The following LEPROT variants were observed in gnomAD, a reference collection of about 807,000 sequenced individuals.
The protein encoded by LEPROT is leptin receptor overlapping transcript, also known as leptin receptor gene-related protein.
Under a neutral mutation model 15.4 loss-of-function variants are expected in LEPROT, and 3 were observed. The ratio of observed to expected loss-of-function variants is 0.19; its 90% CI spans 0.09 to 0.50. The LOEUF is 0.50. Among genes scored for constraint, LEPROT ranks in the 20% least tolerant of loss-of-function variants. The pLI is 0.97. For synonymous variants in LEPROT, 59 were observed against 57.5 expected, an observed-to-expected ratio of 1.03 and a Z score of -0.12; for missense variants, 137 against 162.2, an observed-to-expected ratio of 0.84 and a Z score of 0.84.
Position 65,433,408 on chromosome 1 carries a change from A to G in LEPROT, c.*1489A>G. The G allele has an allele frequency of 1.0e-6, 1 of 985,388 alleles. No homozygotes were observed. 61.0% of individuals were successfully genotyped at this position (985,388 alleles called of 1,614,324 possible). On this transcript the variant is annotated 3_prime_UTR_variant, in exon 4 of 4. Transcript: ENST00000371065. ...CCTGTAATCACAGTTTTCCCTGCTC[A>G]CCTTTTTGTCTAAGATCTATTGAGA...
rs761079055 is a variant in LEPROT, at chr1:65,434,221, A to G, written c.*2302A>G. 9.0e-5 allele frequency: 88 copies of G among 979,138 alleles called. No homozygotes were observed. Among genetic ancestry groups the G allele is most frequent in the Non-Finnish European group, 1.0e-4 (83 of 824,310 alleles). The allele number at this position is 979,138 out of a possible 1,614,324, so 60.7% of individuals were successfully genotyped here. A position where few individuals can be genotyped will look rare whatever the true frequency, so the allele number is the denominator to read the frequency against. The stretch of plus-strand genomic sequence containing the variant: ...TGCAGTGCCTAAATATCATTTAAAC[A>G]GTAAATATTAATAGGAAATATTGCT... On this transcript the variant is annotated 3_prime_UTR_variant, in exon 4 of 4. Coordinates refer to ENST00000371065, the MANE Select transcript of LEPROT (RefSeq NM_017526.5).
Position 65,433,140 on chromosome 1 carries a change from G to T in LEPROT, c.*1221G>T, listed in dbSNP as rs1236731033. 3 of 985,254 alleles carry T rather than the reference G, an allele frequency of 3.0e-6. No individual in the cohort carries two copies. The highest frequency in any genetic ancestry group is 3.6e-6 in the Non-Finnish European group (3 of 829,968). The allele number at this position is 985,254 out of a possible 1,614,324, so 61.0% of individuals were successfully genotyped here. On this transcript the variant is annotated 3_prime_UTR_variant, in exon 4 of 4. Coordinates refer to ENST00000371065, the MANE Select transcript of LEPROT (RefSeq NM_017526.5). ...TCTTTTACATTTCCTTTATGATCTG[G>T]CACTTCTCCCCAGCTCCTTCCCTCT...
chr1:65,427,245 C>T (rs889617540), intron 2 of LEPROT, among the ~76,000 whole-genome samples: 5 of 152,092 alleles, frequency 3.3e-5, no homozygotes, highest in Admixed American at 2.6e-4. Context: ...AACCAAAGCC[C>T]AGGGTAGTTA....
chr1:65,431,710 C>A, intron 3 of LEPROT, 93 bp from the exon 4 acceptor site: 1 of 1,316,518 alleles, frequency 7.6e-7, no homozygotes, highest in Non-Finnish European at 1.0e-6. Flanking sequence ...TGTAACATTT[C>A]ATTGGATGTT....
rs546172024 is a variant in LEPROT at position 65,434,067 on chromosome 1, A to G, written c.*2148A>G. 2.0e-6 allele frequency: 2 copies of G among 985,368 alleles called. No individual in the cohort carries two copies. Among genetic ancestry groups the G allele is most frequent in the African/African-American group, 1.7e-5 (1 of 57,370 alleles). 61.0% of individuals were successfully genotyped at this position (985,368 alleles called of 1,614,324 possible). A position where few individuals can be genotyped will look rare whatever the true frequency, so the allele number is the denominator to read the frequency against. Reference sequence around the variant, plus strand: ...TATACACATTTTCAATAACCAAGGTAGCCTTCATATGTAGCCTTAAAGCAT... The same window carrying G: ...TATACACATTTTCAATAACCAAGGTGGCCTTCATATGTAGCCTTAAAGCAT... On this transcript the variant is annotated 3_prime_UTR_variant, in exon 4 of 4. Coordinates refer to ENST00000371065, the MANE Select transcript of LEPROT (RefSeq NM_017526.5).
chr1:65,426,805 T>G (rs574600754), intron 2 of LEPROT, among the ~76,000 whole-genome samples: 1 of 152,240 alleles, frequency 6.6e-6, no homozygotes, highest in Non-Finnish European at 1.5e-5. Context: ...GAGACCATCC[T>G]AGGCAACATG....
rs1214101551 is a variant in LEPROT at position 65,425,095 on chromosome 1, A to G, written c.17-208A>G. ...ATTGATAAATGATTCACATACCATA[A>G]AATTAACATTCTTAAAGTGTAAGAT... On this transcript the variant is annotated intron_variant, in intron 1 of 3. Transcript: ENST00000371065. Among the ~76,000 whole-genome samples, 5 of 152,250 alleles carry G rather than the reference A, an allele frequency of 3.3e-5. No homozygotes were observed. The East Asian group carries it at 9.6e-4, about 29-fold the overall frequency.
Position 65,434,504 on chromosome 1 carries a change from G to T in LEPROT, c.*2585G>T, listed in dbSNP as rs1288037106. The T allele has an allele frequency of 1.0e-6, 1 of 985,024 alleles. No individual in the cohort carries two copies. The highest frequency in any genetic ancestry group is 1.7e-5 in the African/African-American group (1 of 57,188). The allele number at this position is 985,024 out of a possible 1,614,324, so 61.0% of individuals were successfully genotyped here. A position where few individuals can be genotyped will look rare whatever the true frequency, so the allele number is the denominator to read the frequency against. On this transcript the variant is annotated 3_prime_UTR_variant, in exon 4 of 4. Transcript: ENST00000371065. ...CACTTTTCCACAGAAACAATACTAT[G>T]AATTGGTGATTGAGTTCCCAGGCCA...
intron 2 of LEPROT, among the ~76,000 whole-genome samples, chr1:65,428,292 A>G (rs980684351): frequency 6.6e-6 from 1 of 152,198 alleles, no homozygotes; most frequent in African/African-American, 2.4e-5. Context: ...ATAGAGTCAG[A>G]TTGTTTTTCA....
rs1165943271 is a variant in LEPROT, at chr1:65,435,224, C to G, written c.*3305C>G. ...CTTAAGAACTCATAGATTTTTCTTACTGTCCTAAGGAAGTCCTTACCTCTG... is the reference window on the plus strand; with the variant it reads ...CTTAAGAACTCATAGATTTTTCTTAGTGTCCTAAGGAAGTCCTTACCTCTG... On this transcript the variant is annotated 3_prime_UTR_variant, in exon 4 of 4. Transcript: ENST00000371065. 1 of 985,256 alleles carries G rather than the reference C, an allele frequency of 1.0e-6. No individual in the cohort carries two copies. The highest frequency in any genetic ancestry group is 1.7e-5 in the African/African-American group (1 of 57,236). The allele number at this position is 985,256 out of a possible 1,614,324, so 61.0% of individuals were successfully genotyped here.
intron 2 of LEPROT, among the ~76,000 whole-genome samples, chr1:65,427,185 C>G (rs1482934036): frequency 3.9e-5 from 6 of 152,172 alleles, no homozygotes; most frequent in African/African-American, 1.4e-4. Flanking sequence ...TTACTTTATT[C>G]TAGCTTTTGG....
intron 3 of LEPROT, chr1:65,430,262 C>T (rs923014578): frequency 1.0e-5 from 4 of 388,494 alleles, no homozygotes; most frequent in East Asian, 7.5e-5. Context: ...TTTAGCCAGA[C>T]GATATGATTT....
In LEPROT at chr1:65,433,384, C is replaced by T. The variant is rs1414337199; in HGVS notation, c.*1465C>T. The T allele has an allele frequency of 1.0e-6, 1 of 985,294 alleles. No individual in the cohort carries two copies. Among genetic ancestry groups the T allele is most frequent in the African/African-American group, 1.7e-5 (1 of 57,208 alleles). 61.0% of individuals were successfully genotyped at this position (985,294 alleles called of 1,614,324 possible). A position where few individuals can be genotyped will look rare whatever the true frequency, so the allele number is the denominator to read the frequency against. On this transcript the variant is annotated 3_prime_UTR_variant, in exon 4 of 4. Transcript: ENST00000371065. The stretch of plus-strand genomic sequence containing the variant: ...TTGGGTATACCTGTCATGTTGGATC[C>T]TGTAATCACAGTTTTCCCTGCTCAC...
intron 2 of LEPROT, among the ~76,000 whole-genome samples, chr1:65,426,801 A>T (rs948408184): frequency 2.6e-5 from 4 of 152,086 alleles, no homozygotes; most frequent in African/African-American, 9.7e-5. Context: ...GATCGAGACC[A>T]TCCTAGGCAA....
At chr1:65,423,095 A>G (rs938805885) in intron 1 of LEPROT, among the ~76,000 whole-genome samples, 5 of 152,134 alleles carry the variant, frequency 3.3e-5, no homozygotes, top group African/African-American at 1.2e-4. Context: ...GTGTAGGGAT[A>G]GTGGTTTGGT....
In LEPROT at chr1:65,435,898, T is replaced by A. The variant is rs1482426075; in HGVS notation, c.*3979T>A. On this transcript the variant is annotated 3_prime_UTR_variant, in exon 4 of 4. Transcript: ENST00000371065. ...CCACTGAGTAATAGCTCATAAATTATAATCTTTCAAATAGCCATGCTACCA... is the reference window on the plus strand; with the variant it reads ...CCACTGAGTAATAGCTCATAAATTAAAATCTTTCAAATAGCCATGCTACCA... The A allele has an allele frequency of 1.0e-6, 1 of 984,734 alleles. No individual in the cohort carries two copies. Among genetic ancestry groups the A allele is most frequent in the Non-Finnish European group, 1.2e-6 (1 of 829,390 alleles). 61.0% of individuals were successfully genotyped at this position (984,734 alleles called of 1,614,324 possible).
chr1:65,425,314 T>C lies in LEPROT; in HGVS notation c.28T>C (p.Leu10=), dbSNP rs1194725190. The C allele has an allele frequency of 2.8e-5, 45 of 1,612,178 alleles. No individual in the cohort carries two copies. The highest frequency in any genetic ancestry group is 3.6e-5 in the Non-Finnish European group (42 of 1,179,484). ...TTTATTTTTCACAGCTCTCGTGGCA[T>C]TATCCTTCAGTGGGGCTATTGGACT... is the stretch of plus-strand genomic sequence containing the variant. MAGVKALVA[L]SFSGAIGLTF... The change falls in exon 2 of 4, where the codon TTA becomes CTA. Residue 10 remains leucine (L), a synonymous_variant. Transcript: ENST00000371065.
At chr1:65,422,143 T>C (rs1401284512) in intron 1 of LEPROT, among the ~76,000 whole-genome samples, 1 of 152,176 alleles carries the variant, frequency 6.6e-6, no homozygotes, top group Non-Finnish European at 1.5e-5. Context: ...GTGATCTTAT[T>C]TGGAAGTAGT....
chr1:65,420,865 G>A, intron 1 of LEPROT, 125 bp downstream of exon 1: 1 of 1,212,746 alleles, frequency 8.2e-7, no homozygotes, highest in Non-Finnish European at 1.2e-6. Flanking sequence ...CGCCTCTCCG[G>A]TTCGGGAGGC....
Sources: allele counts gnomAD v4.1 joint callset (sites outside exome capture counted in the v4.1 genomes callset), GRCh38; gene constraint gnomAD v4.1.1; transcripts MANE v1.5; gene names NCBI Gene and HGNC (gene_info 2026-07-23, HGNC 2026-07-21).